Variants in ECHDC3 observed in about 807,000 individuals in gnomAD.
The protein encoded by ECHDC3 is enoyl-CoA hydratase domain containing 3, also known as enoyl-CoA hydratase domain-containing protein 3, mitochondrial.
A neutral mutation model predicts 17.9 loss-of-function variants in ECHDC3; 20 were observed. The ratio of observed to expected loss-of-function variants is 1.12; its 90% CI spans 0.79 to 1.63. ECHDC3 has a LOEUF of 1.63. ECHDC3 is among the 40% of genes most tolerant of loss of function. The probability of loss-of-function intolerance (pLI) is 0.00; values close to 1 mark genes in which losing one functional copy is unlikely to be tolerated. For synonymous variants in ECHDC3, 177 were observed against 149.7 expected (o/e 1.18, Z -1.33); for missense variants, 407 against 357.7 (o/e 1.14, Z -1.11).
Position 11,755,881 on chromosome 10 carries a change from G to A in ECHDC3, c.591+273G>A, listed in dbSNP as rs147933630. Among the ~76,000 whole-genome samples the A allele has an allele frequency of 3.2e-4, 48 of 152,368 alleles. No individual in the cohort carries two copies. The East Asian group carries it at 7.5e-3, about 24-fold the overall frequency. On this transcript the variant is annotated intron_variant, in intron 4 of 4. Coordinates refer to ENST00000379215, the MANE Select transcript of ECHDC3 (RefSeq NM_024693.5). ...TCATGCGTACCCTCAGTACCACTGG[G>A]TAGGTTTGCCGATTAGTTTTGTTTG...
intron 4 of ECHDC3, among the ~76,000 whole-genome samples, chr10:11,760,470 T>C (rs1252755255): frequency 6.6e-6 from 1 of 152,242 alleles, no homozygotes; most frequent in East Asian, 1.9e-4. Context: ...CTTACTACTT[T>C]GGATTTACTC....
chr10:11,757,327 C>A (rs923241797), intron 4 of ECHDC3, among the ~76,000 whole-genome samples: 2 of 152,094 alleles, frequency 1.3e-5, no homozygotes, highest in African/African-American at 4.8e-5. Flanking sequence ...TAACGCTAGA[C>A]CATATTTATC....
rs1394064413 is a variant in ECHDC3 at position 11,749,583 on chromosome 10, CT to C, written c.382del (p.Cys128ValfsTer5). 5.6e-6 allele frequency: 9 copies of C among 1,613,916 alleles called. No homozygotes were observed. Among genetic ancestry groups the C allele is most frequent in the Non-Finnish European group, 7.6e-6 (9 of 1,180,026 alleles). On this transcript the variant is annotated frameshift_variant, in exon 3 of 5. Transcript: ENST00000379215. LOFTEE classifies it high-confidence loss of function. ...RDYHAEVFQT[C>X]SKVMMHIRNH... ...ATTACCATGCCGAAGTATTTCAGAC[CT>C]GTTCCAAGGTAAGCCAAGACGACAG...
chr10:11,746,789 G>A (rs1832765837), intron 1 of ECHDC3, among the ~76,000 whole-genome samples: 1 of 152,176 alleles, frequency 6.6e-6, no homozygotes, highest in East Asian at 1.9e-4. Flanking sequence ...TATGAAATTA[G>A]CCAAGTGTGG....
chr10:11,744,822 A>G (rs1333613387), intron 1 of ECHDC3, among the ~76,000 whole-genome samples: 1 of 152,164 alleles, frequency 6.6e-6, no homozygotes, highest in Non-Finnish European at 1.5e-5. Flanking sequence ...AGGTTTGAGA[A>G]TGGGGGAATG....
chr10:11,755,861 C>T (rs1284815749), intron 4 of ECHDC3: 5 of 451,484 alleles, frequency 1.1e-5, no homozygotes, highest in South Asian at 3.4e-5. Flanking sequence ...TTCCATCATG[C>T]GTACCCTCAG....
chr10:11,752,959 G>A (rs903095671), intron 3 of ECHDC3, among the ~76,000 whole-genome samples: 1 of 152,106 alleles, frequency 6.6e-6, no homozygotes, highest in South Asian at 2.1e-4. Context: ...TATTTATTTT[G>A]TATATTTATA....
intron 2 of ECHDC3, 71 bp from the exon 3 acceptor site, chr10:11,749,424 A>T: frequency 6.9e-7 from 1 of 1,455,610 alleles, no homozygotes; most frequent in Non-Finnish European, 9.6e-7. Context: ...TAGACAAGGA[A>T]GGGAACTAAC....
At chr10:11,745,986 A>C (rs1832754743) in intron 1 of ECHDC3, among the ~76,000 whole-genome samples, 1 of 152,154 alleles carries the variant, frequency 6.6e-6, no homozygotes, top group African/African-American at 2.4e-5. Flanking sequence ...GTATCAGCCC[A>C]CTTGCAGACA....
chr10:11,757,982 G>T (rs1832902297), intron 4 of ECHDC3, among the ~76,000 whole-genome samples: 1 of 152,094 alleles, frequency 6.6e-6, no homozygotes, highest in Non-Finnish European at 1.5e-5. Context: ...TATTTTGGGG[G>T]GTGGGTGCGT....
At chr10:11,755,242 C>T (rs1832871339) in intron 3 of ECHDC3, 166 bp from the exon 4 acceptor site, 4 of 594,586 alleles carry the variant, frequency 6.7e-6, no homozygotes, top group East Asian at 3.1e-5. Flanking sequence ...AGGAGGATGG[C>T]TTGAACTCGG....
rs184341434 is a variant in ECHDC3 at position 11,754,815 on chromosome 10, C to G, written c.391-593C>G. Among the ~76,000 whole-genome samples, 109 of 152,340 alleles carry G rather than the reference C, an allele frequency of 7.2e-4. 1 individual carries two copies. The South Asian group carries it at 0.021, about 29-fold the overall frequency. On this transcript the variant is annotated intron_variant, in intron 3 of 4. Coordinates refer to ENST00000379215, the MANE Select transcript of ECHDC3 (RefSeq NM_024693.5). ...TCAAGAGCTGAGCTTGGGGCCACCC[C>G]CTGCGGCAGCCCCCACCAAGCTTAG...
At chr10:11,760,345 T>A (rs1358572108) in intron 4 of ECHDC3, among the ~76,000 whole-genome samples, 1 of 152,166 alleles carries the variant, frequency 6.6e-6, no homozygotes, top group Non-Finnish European at 1.5e-5. Flanking sequence ...CCCCAAAACA[T>A]CTGGGGCATT....
chr10:11,762,057 A>AC (rs1832959678), intron 4 of ECHDC3, among the ~76,000 whole-genome samples: 1 of 119,814 alleles, frequency 8.3e-6, no homozygotes, highest in African/African-American at 3.2e-5. Context: ...ATATAGTGAG[A>AC]CCCCATCTTG....
chr10:11,751,156 A>G (rs4750096), intron 3 of ECHDC3, among the ~76,000 whole-genome samples: 142,145 of 152,308 alleles, frequency 0.93, 67,179 homozygotes, highest in East Asian at 1. Flanking sequence ...AAAAGCATCA[A>G]AGAGAACCAG....
rs1252726321 is a variant in ECHDC3, at chr10:11,755,565, G to A, written c.548G>A (p.Cys183Tyr). ...ATPGVNVGLF[C>Y]STPGVALARA... ...CCTGGGGTGAACGTCGGGCTCTTCT[G>A]TTCTACCCCTGGGGTTGCCTTGGCA... The change falls in exon 4 of 5, where the codon TGT becomes TAT. Residue 183 changes from cysteine to tyrosine, a missense_variant. Transcript: ENST00000379215. 1.2e-6 allele frequency: 2 copies of A among 1,614,014 alleles called. No individual in the cohort carries two copies. The highest frequency in any genetic ancestry group is 1.7e-5 in the Admixed American group (1 of 59,998).
intron 4 of ECHDC3, 113 bp downstream of exon 4, chr10:11,755,721 G>A (rs576599996): frequency 3.1e-5 from 33 of 1,059,962 alleles, no homozygotes; most frequent in Non-Finnish European, 4.3e-5. Flanking sequence ...ATATCAGGAC[G>A]TTCTGCCCAG....
intron 4 of ECHDC3, among the ~76,000 whole-genome samples, chr10:11,761,231 T>C (rs1402434132): frequency 1.3e-5 from 2 of 152,182 alleles, no homozygotes; most frequent in African/African-American, 4.8e-5. Flanking sequence ...GGAGCAGTAT[T>C]GGCCCAGGGA....
At chr10:11,757,800 T>C (rs1423878649) in intron 4 of ECHDC3, among the ~76,000 whole-genome samples, 1 of 152,212 alleles carries the variant, frequency 6.6e-6, no homozygotes, top group Non-Finnish European at 1.5e-5. Context: ...TGGAACTTAA[T>C]GCCTTTGTTA....
Sources: gnomAD v4.1 joint callset for allele counts (sites outside exome capture counted in the v4.1 genomes callset) on GRCh38, gnomAD v4.1.1 for gene constraint, MANE v1.5 for transcripts, NCBI Gene and HGNC (gene_info 2026-07-23, HGNC 2026-07-21) for gene names.